TNR: variants seen among roughly 807,000 people sequenced by gnomAD.
TNR encodes tenascin-R.
Under a neutral mutation model 150.4 loss-of-function variants are expected in TNR, and 45 were observed. The ratio of observed to expected loss-of-function variants is 0.30; its 90% confidence interval spans 0.24 to 0.38. The LOEUF (loss-of-function observed/expected upper bound fraction) is 0.38. Ranked by LOEUF, TNR falls within the 10% of genes least tolerant of loss-of-function variation. The pLI is 1.00. For missense variants in TNR, 1,544 were observed against 1,759.1 expected (o/e 0.88, Z 2.19); for synonymous variants, 687 against 678.4 (o/e 1.01, Z -0.20).
intron 2 of TNR, among the ~76,000 whole-genome samples, chr1:175,466,064 A>G (rs1571480117): frequency 1.3e-5 from 2 of 152,204 alleles, no homozygotes; most frequent in African/African-American, 4.8e-5. Context: ...GTGCACTAAC[A>G]ATAGACTTTC....
chr1:175,350,472 T>A (rs1651003121), intron 18 of TNR, among the ~76,000 whole-genome samples: 1 of 152,222 alleles, frequency 6.6e-6, no homozygotes, highest in African/African-American at 2.4e-5. Flanking sequence ...TATTCATATC[T>A]CTAAAAGACA....
At chr1:175,722,931 A>G (rs1667357198) in intron 1 of TNR, among the ~76,000 whole-genome samples, 1 of 152,094 alleles carries the variant, frequency 6.6e-6, no homozygotes, top group Non-Finnish European at 1.5e-5. Context: ...AGCTGGGATT[A>G]CAGGCACATA....
intron 1 of TNR, among the ~76,000 whole-genome samples, chr1:175,538,468 G>C (rs1000838566): frequency 1.1e-4 from 17 of 152,186 alleles, no homozygotes; most frequent in Admixed American, 5.9e-4. Context: ...CTTGGAAAAT[G>C]AAAATATATT....
intron 7 of TNR, among the ~76,000 whole-genome samples, chr1:175,388,667 C>T (rs905855723): frequency 6.6e-6 from 1 of 152,222 alleles, no homozygotes; most frequent in Non-Finnish European, 1.5e-5. Context: ...TTGCTTTCAG[C>T]TTTGGTCCTA....
At chr1:175,719,827 C>A (rs994615633) in intron 1 of TNR, among the ~76,000 whole-genome samples, 2 of 152,180 alleles carry the variant, frequency 1.3e-5, no homozygotes, top group African/African-American at 4.8e-5. Flanking sequence ...TTCTTCAAAC[C>A]AGCTCTCAGA....
At chr1:175,416,145 A>C (rs1248296867) in intron 2 of TNR, among the ~76,000 whole-genome samples, 1 of 139,906 alleles carries the variant, frequency 7.1e-6, no homozygotes, top group African/African-American at 2.6e-5. Context: ...CACACACACT[A>C]TATATATAAA....
At chr1:175,692,903 T>C (rs933395035) in intron 1 of TNR, among the ~76,000 whole-genome samples, 3 of 152,210 alleles carry the variant, frequency 2.0e-5, no homozygotes, top group Non-Finnish European at 4.4e-5. Context: ...ACCATATCAG[T>C]CCTGCTTCAC....
chr1:175,650,539 A>G (rs1436305081), intron 1 of TNR, among the ~76,000 whole-genome samples: 1 of 151,782 alleles, frequency 6.6e-6, no homozygotes, highest in Non-Finnish European at 1.5e-5. Flanking sequence ...GGTACAGGCT[A>G]ACAAACACTA....
At chr1:175,548,392 T>C (rs763303180) in intron 1 of TNR, among the ~76,000 whole-genome samples, 8 of 152,088 alleles carry the variant, frequency 5.3e-5, no homozygotes, top group Non-Finnish European at 7.4e-5. Flanking sequence ...ACGAGGAGTC[T>C]CCTCGATGAA....
chr1:175,627,593 A>T (rs148907460), intron 1 of TNR, among the ~76,000 whole-genome samples: 82 of 152,352 alleles, frequency 5.4e-4, no homozygotes, highest in Non-Finnish European at 1.0e-3. Context: ...CATTGTAAAG[A>T]TTAAATGAAA....
At chr1:175,530,669 T>C (rs1553235053) in intron 1 of TNR, among the ~76,000 whole-genome samples, 6 of 152,216 alleles carry the variant, frequency 3.9e-5, no homozygotes, top group Non-Finnish European at 1.5e-5. Context: ...TATGCATACA[T>C]ACACATACTT....
intron 2 of TNR, among the ~76,000 whole-genome samples, chr1:175,508,298 CTG>C (rs1460151956): frequency 1.3e-5 from 2 of 152,150 alleles, no homozygotes; most frequent in African/African-American, 4.8e-5. Flanking sequence ...AATAAATAGA[CTG>C]TGTATCTTTA....
intron 2 of TNR, among the ~76,000 whole-genome samples, chr1:175,436,777 G>A (rs1319093340): frequency 6.6e-6 from 1 of 152,138 alleles, no homozygotes; most frequent in Non-Finnish European, 1.5e-5. Context: ...AAGATCAAAA[G>A]AGACAAAGAA....
chr1:175,474,445 C>A (rs1015123120), intron 2 of TNR, among the ~76,000 whole-genome samples: 20 of 152,134 alleles, frequency 1.3e-4, no homozygotes. Flanking sequence ...GCTAACCCTG[C>A]CGGCCCCTGA....
At chr1:175,390,353 T>C (rs764397054) in intron 7 of TNR, among the ~76,000 whole-genome samples, 1 of 152,248 alleles carries the variant, frequency 6.6e-6, no homozygotes, top group Non-Finnish European at 1.5e-5. Context: ...GCTGTACCAA[T>C]AGTCACCTAT....
At chr1:175,547,277 T>C (rs1024751263) in intron 1 of TNR, among the ~76,000 whole-genome samples, 3 of 152,206 alleles carry the variant, frequency 2.0e-5, no homozygotes, top group African/African-American at 7.2e-5. Context: ...TGGGTCATGT[T>C]GAAGCCACAT....
intron 1 of TNR, among the ~76,000 whole-genome samples, chr1:175,718,092 G>A (rs1259357052): frequency 6.6e-6 from 1 of 152,196 alleles, no homozygotes; most frequent in African/African-American, 2.4e-5. Flanking sequence ...CATCGAATGA[G>A]TTAATAAAAT....
At chr1:175,546,772 G>C (rs1003399063) in intron 1 of TNR, among the ~76,000 whole-genome samples, 7 of 152,274 alleles carry the variant, frequency 4.6e-5, no homozygotes, top group African/African-American at 1.4e-4. Context: ...GAAGTCTGAA[G>C]ACTTCTTTCC....
rs766255513 is a variant in TNR at position 175,321,335 on chromosome 1, C to T, written c.*2022G>A. On this transcript the variant is annotated 3_prime_UTR_variant, in exon 23 of 23. Transcript: ENST00000367674. ...ATTCAATGGTGGCTGGCTGCATCCC[C>T]ATGAGGTCCGAGGCCTGATGGTCAG... is the stretch of plus-strand genomic sequence containing the variant. 3 of 152,224 alleles carry T rather than the reference C, an allele frequency of 2.0e-5. No homozygotes were observed. The highest frequency in any genetic ancestry group is 2.9e-5 in the Non-Finnish European group (2 of 68,054). The allele number at this position is 152,224 out of a possible 1,614,324, so 9.4% of individuals were successfully genotyped here.
Sources: allele counts gnomAD v4.1 joint callset (sites outside exome capture counted in the v4.1 genomes callset), GRCh38; gene constraint gnomAD v4.1.1; transcripts MANE v1.5; gene names NCBI Gene and HGNC (gene_info 2026-07-23, HGNC 2026-07-21).